The following GALNT15 variants were observed in gnomAD, a reference collection of about 807,000 sequenced individuals.
GALNT15 encodes the protein UDP-GalNAc transferase T15.
A neutral mutation model predicts 66.8 loss-of-function variants in GALNT15; 67 were observed. The ratio of observed to expected loss-of-function variants is 1.00; its 90% confidence interval spans 0.82 to 1.23. The LOEUF (loss-of-function observed/expected upper bound fraction) is 1.23. GALNT15 is among the 50% of genes most tolerant of loss of function. The pLI, the probability that GALNT15 is intolerant of heterozygous loss-of-function variation, is 0.00. For synonymous variants in GALNT15, 313 were observed against 311.5 expected, an observed-to-expected ratio of 1.00 and a Z score of -0.05; for missense variants, 827 against 804.3, an observed-to-expected ratio of 1.03 and a Z score of -0.34.
In GALNT15 at chr3:16,224,823, A is replaced by G. The variant is rs984281634; in HGVS notation, c.1773+2065A>G. On this transcript the variant is annotated intron_variant, in intron 9 of 9. Coordinates refer to ENST00000339732, the MANE Select transcript of GALNT15 (RefSeq NM_054110.5). The surrounding 1 kb of genome is among the most constrained non-coding windows in gnomAD (Gnocchi z 5.2). ...AGCTAATTTTGTATTTTTAGTAGAG[A>G]CGGGGTTTCCTCCATGTTGGCCAGG... Among the ~76,000 whole-genome samples the G allele has an allele frequency of 6.6e-6, 1 of 151,742 alleles. No individual in the cohort carries two copies. Among genetic ancestry groups the G allele is most frequent in the South Asian group, 2.1e-4 (1 of 4,784 alleles).
downstream of GALNT15, among the ~76,000 whole-genome samples, chr3:16,235,783 C>G (rs2064122105): frequency 6.6e-6 from 1 of 152,026 alleles, no homozygotes; most frequent in African/African-American, 2.4e-5. Context: ...AAAGAGCAGC[C>G]TTGCCGGGTA....
intron 2 of GALNT15, 172 bp downstream of exon 2, chr3:16,196,098 A>C: frequency 1.5e-6 from 1 of 646,486 alleles, no homozygotes; most frequent in East Asian, 2.8e-5. Flanking sequence ...CACTGGGGAA[A>C]CCAGTAAGGC....
At chr3:16,232,508 A>ATATATATATATATT (rs1553689265), downstream of GALNT15, among the ~76,000 whole-genome samples, 2 of 78,598 alleles carry the variant, frequency 2.5e-5, no homozygotes, top group African/African-American at 1.2e-4. Flanking sequence ...ATATATATAT[A>ATATATATATATATT]TATTTATTTA....
At position 16,188,626 on chromosome 3, in the gene GALNT15, G is replaced by A. The variant is rs2063542222; in HGVS notation, c.540-7134G>A. 6.6e-6 allele frequency among the ~76,000 whole-genome samples: 1 copy of A among 152,186 alleles called. No homozygotes were observed. The highest frequency in any genetic ancestry group is 2.1e-4 in the South Asian group (1 of 4,824). The stretch of plus-strand genomic sequence containing the variant: ...GGTTGGAGCACTAGGAGGGGATGGT[G>A]TAGATGCAGTTCAGGACCTTTCAAA... On this transcript the variant is annotated intron_variant, in intron 1 of 9. Coordinates refer to ENST00000339732, the MANE Select transcript of GALNT15 (RefSeq NM_054110.5). The surrounding 1 kb of genome is among the most constrained non-coding windows in gnomAD (Gnocchi z 4.6).
chr3:16,177,977 C>T (rs759271744), intron 1 of GALNT15, among the ~76,000 whole-genome samples: 3 of 151,892 alleles, frequency 2.0e-5, no homozygotes, highest in Non-Finnish European at 4.4e-5. Flanking sequence ...GTGTAGTGTG[C>T]ATGGGTGTAA....
At chr3:16,205,019 C>T (rs550188437) in intron 3 of GALNT15, among the ~76,000 whole-genome samples, 160 of 152,310 alleles carry the variant, frequency 1.1e-3, no homozygotes, top group Non-Finnish European at 1.9e-3. Context: ...CCTGCCCCCC[C>T]AGAGGGAGCA....
intron 9 of GALNT15, among the ~76,000 whole-genome samples, chr3:16,226,679 A>G (rs567391422): frequency 6.6e-6 from 1 of 152,376 alleles, no homozygotes; most frequent in East Asian, 1.9e-4. Context: ...GGGAATTACA[A>G]TTCAACATGA....
the GALNT15 span, chr3:16,244,061 C>T: frequency 1.1e-6 from 1 of 951,660 alleles, no homozygotes; most frequent in South Asian, 4.8e-5. Flanking sequence ...CATGGTAACA[C>T]AGCTGCATGG....
chr3:16,199,344 C>G (rs1224905414), intron 2 of GALNT15, among the ~76,000 whole-genome samples: 2 of 142,164 alleles, frequency 1.4e-5, no homozygotes, highest in African/African-American at 2.6e-5. Context: ...ATCAACCTTC[C>G]TAACCGTCTG....
intron 2 of GALNT15, among the ~76,000 whole-genome samples, chr3:16,198,760 T>C (rs191784483): frequency 7.0e-6 from 1 of 141,868 alleles, no homozygotes; most frequent in African/African-American, 2.6e-5. Context: ...GCTCAGGACA[T>C]TGTTCACCCT....
downstream of GALNT15, among the ~76,000 whole-genome samples, chr3:16,232,469 A>AATATATATAT (rs374444719): frequency 1.8e-3 from 71 of 38,706 alleles, 2 homozygotes; most frequent in Non-Finnish European, 3.3e-3. Context: ...TAAATAAATA[A>AATATATATAT]ATATATATAT....
chr3:16,239,611 C>T, the GALNT15 span, among the ~76,000 whole-genome samples: 4 of 152,166 alleles, frequency 2.6e-5, no homozygotes, highest in African/African-American at 7.2e-5. The surrounding 1 kb of genome is among the most constrained non-coding windows in gnomAD (Gnocchi z 5.2). Flanking sequence ...CTATCATAAT[C>T]GGTCAAACAC....
In GALNT15 at chr3:16,182,932, T is replaced by G. The variant is rs1438393786; in HGVS notation, c.539+7242T>G. The G allele has an allele frequency of 6.6e-6, 1 of 152,280 alleles. No homozygotes were observed. Among genetic ancestry groups the G allele is most frequent in the Non-Finnish European group, 1.5e-5 (1 of 68,092 alleles). The allele number at this position is 152,280 out of a possible 1,614,324, so 9.4% of individuals were successfully genotyped here. A position where few individuals can be genotyped will look rare whatever the true frequency, so the allele number is the denominator to read the frequency against. On this transcript the variant is annotated intron_variant, in intron 1 of 9. Coordinates refer to ENST00000339732, the MANE Select transcript of GALNT15 (RefSeq NM_054110.5). The surrounding 1 kb of genome is among the most constrained non-coding windows in gnomAD (Gnocchi z 6.1). ...TGCTATCAACTGCTCACTTTTTGCA[T>G]GTCTAAAGCTCACACTTCTTGAGAT...
At chr3:16,210,733 G>A (rs1033792768) in intron 4 of GALNT15, among the ~76,000 whole-genome samples, 1 of 152,196 alleles carries the variant, frequency 6.6e-6, no homozygotes, top group African/African-American at 2.4e-5. Flanking sequence ...AAGGAGGAAA[G>A]AGCCTGACCA....
Position 16,225,594 on chromosome 3 carries a change from T to C in GALNT15, c.1774-1760T>C, listed in dbSNP as rs62233864. ...CCTCTAGTCTCAGCTACTCAGGAGG[T>C]TGAGGCAGGAGAATCGCTTGAACCC... On this transcript the variant is annotated intron_variant, in intron 9 of 9. Transcript: ENST00000339732. This position sits in a 1 kb window ranked among gnomAD's most constrained non-coding sequence, Gnocchi z 4.4. 3.3e-3 allele frequency among the ~76,000 whole-genome samples: 494 copies of C among 150,398 alleles called. 6 individuals are homozygous for C. The highest frequency in any genetic ancestry group is 4.9e-3 in the Non-Finnish European group (332 of 67,644).
At position 16,174,738 on chromosome 3, in the gene GALNT15, T is replaced by C. The variant is rs576227559; in HGVS notation, c.-414T>C. 85 of 184,902 alleles carry C rather than the reference T, an allele frequency of 4.6e-4. No individual in the cohort carries two copies. The highest frequency in any genetic ancestry group is 1.8e-3 in the Admixed American group (33 of 18,206). The allele number at this position is 184,902 out of a possible 1,614,324, so 11.5% of individuals were successfully genotyped here. On this transcript the variant is annotated 5_prime_UTR_variant, in exon 1 of 10. Transcript: ENST00000339732. This position sits in a 1 kb window ranked among gnomAD's most constrained non-coding sequence, Gnocchi z 4.7. Reference sequence around the variant, plus strand: ...AAAGAGGGACGGCTGTCAGCCCTGCTTGACTGAGAACCCACCAGCTCATCC... The same window carrying C: ...AAAGAGGGACGGCTGTCAGCCCTGCCTGACTGAGAACCCACCAGCTCATCC...
chr3:16,212,445 T>C, intron 5 of GALNT15, 124 bp from the exon 6 acceptor site: 1 of 849,074 alleles, frequency 1.2e-6, no homozygotes, highest in Non-Finnish European at 1.8e-6. Flanking sequence ...ACCATAATCA[T>C]CTTCACCATT....
At position 16,186,496 on chromosome 3, in the gene GALNT15, A is replaced by G. The variant is rs147525715; in HGVS notation, c.540-9264A>G. Among the ~76,000 whole-genome samples, 1,668 of 152,380 alleles carry G rather than the reference A, an allele frequency of 0.011. 15 individuals carry two copies. Among genetic ancestry groups the G allele is most frequent in the Non-Finnish European group, 0.017 (1,143 of 68,032 alleles). ...TGAAAACTTATACATGAATATTCAT[A>G]GTGGCATTAGTCATAATATAAGTCA... On this transcript the variant is annotated intron_variant, in intron 1 of 9. Coordinates refer to ENST00000339732, the MANE Select transcript of GALNT15 (RefSeq NM_054110.5). This position sits in a 1 kb window ranked among gnomAD's most constrained non-coding sequence, Gnocchi z 5.1.
rs1232408246 is a variant in GALNT15, at chr3:16,208,535, T to A, written c.944T>A (p.Ile315Asn). ...SRVVSPVIDV[I>N]DWKTFQYYPS... is the part of the protein sequence containing the mutation. The stretch of plus-strand genomic sequence containing the variant: ...GTGGTATCTCCGGTGATAGATGTGA[T>A]TGACTGGAAGACTTTCCAGTATTAC... Residue 315 changes from isoleucine (I) to asparagine (N), a missense_variant, in exon 4 of 10, where the codon ATT becomes AAT. Physicochemically the swap from Ile to Asn is moderately radical, Grantham distance 149. Coordinates refer to ENST00000339732, the MANE Select transcript of GALNT15 (RefSeq NM_054110.5). The A allele has an allele frequency of 6.2e-7, 1 of 1,614,168 alleles. No individual in the cohort carries two copies. Among genetic ancestry groups the A allele is most frequent in the Non-Finnish European group, 8.5e-7 (1 of 1,180,006 alleles).
Sources: allele counts gnomAD v4.1 joint callset (sites outside exome capture counted in the v4.1 genomes callset), GRCh38; gene constraint gnomAD v4.1.1; non-coding constraint Gnocchi (gnomAD v3.1); transcripts MANE v1.5; gene names NCBI Gene and HGNC (gene_info 2026-07-23, HGNC 2026-07-21).